RBPMS: variants seen among roughly 807,000 people sequenced by gnomAD.
The protein encoded by RBPMS is RNA binding protein, mRNA processing factor, also known as RNA-binding protein with multiple splicing.
In RBPMS, 7 loss-of-function variants were observed where a neutral mutation model predicts 26.8. The observed-to-expected ratio is 0.26, with a 90% CI of 0.15 to 0.49. The LOEUF is 0.49. Ranked by LOEUF, RBPMS falls within the 20% of genes least tolerant of loss-of-function variation. RBPMS has a pLI of 0.98. For missense variants in RBPMS, 186 were observed against 250.0 expected (o/e 0.74, Z 1.73); for synonymous variants, 96 against 93.3 (o/e 1.03, Z -0.17).
intron 5 of RBPMS, among the ~76,000 whole-genome samples, chr8:30,529,855 G>A (rs530580852): frequency 6.6e-6 from 1 of 151,488 alleles, no homozygotes; most frequent in African/African-American, 2.4e-5. Context: ...CCAGGTTCAA[G>A]CGATTCTGCT....
chr8:30,542,909 GC>G (rs1304730268), intron 5 of RBPMS, among the ~76,000 whole-genome samples: 1 of 152,166 alleles, frequency 6.6e-6, no homozygotes, highest in Non-Finnish European at 1.5e-5. Flanking sequence ...CACAGTAGAT[GC>G]TGTGGACCTG....
At chr8:30,459,619 A>G (rs1445385434) in intron 1 of RBPMS, among the ~76,000 whole-genome samples, 1 of 152,232 alleles carries the variant, frequency 6.6e-6, no homozygotes, top group Admixed American at 6.5e-5. Context: ...TTGGAGATCA[A>G]CCCTTGTACA....
chr8:30,508,622 AT>A (rs67380106), intron 5 of RBPMS, among the ~76,000 whole-genome samples: 30,352 of 146,922 alleles, frequency 0.21, 3,238 homozygotes, highest in South Asian at 0.39. Context: ...TACATAATGG[AT>A]TTTTTTTTTT....
At chr8:30,464,725 G>A (rs1816312382) in intron 1 of RBPMS, among the ~76,000 whole-genome samples, 1 of 152,106 alleles carries the variant, frequency 6.6e-6, no homozygotes. Flanking sequence ...AATCTGTTTT[G>A]TAAAATGAGT....
chr8:30,515,211 A>G (rs1382008832), intron 5 of RBPMS, among the ~76,000 whole-genome samples: 1 of 152,130 alleles, frequency 6.6e-6, no homozygotes, highest in Non-Finnish European at 1.5e-5. Flanking sequence ...GTGTCAAGCC[A>G]TCCTCCTGCC....
At chr8:30,508,607 A>G (rs928969329) in intron 5 of RBPMS, among the ~76,000 whole-genome samples, 1 of 149,140 alleles carries the variant, frequency 6.7e-6, no homozygotes, top group South Asian at 2.3e-4. Context: ...TCTCACATCT[A>G]TAAATACATA....
chr8:30,504,496 A>T (rs1265627277), intron 5 of RBPMS, 60 bp downstream of exon 5: 2 of 1,538,704 alleles, frequency 1.3e-6, no homozygotes, highest in Non-Finnish European at 1.8e-6. Context: ...CATGTGCTGC[A>T]TGTGAGGTTA....
At chr8:30,495,733 G>A (rs1368755931) in intron 4 of RBPMS, among the ~76,000 whole-genome samples, 1 of 152,150 alleles carries the variant, frequency 6.6e-6, no homozygotes, top group Non-Finnish European at 1.5e-5. Context: ...CCTTATTTAG[G>A]AAAAGTATGA....
chr8:30,561,158 T>A (rs1192391349), intron 7 of RBPMS, among the ~76,000 whole-genome samples: 1 of 152,208 alleles, frequency 6.6e-6, no homozygotes, highest in Non-Finnish European at 1.5e-5. Context: ...AGTTTGCTTT[T>A]TAGGAGAGAT....
intron 5 of RBPMS, among the ~76,000 whole-genome samples, chr8:30,533,005 G>C (rs966275583): frequency 3.3e-5 from 5 of 152,210 alleles, no homozygotes; most frequent in African/African-American, 1.2e-4. Flanking sequence ...CAGGTGCTCA[G>C]TGTTTGTTGA....
chr8:30,550,610 T>G (rs1232821623), intron 6 of RBPMS, among the ~76,000 whole-genome samples: 1 of 152,088 alleles, frequency 6.6e-6, no homozygotes, highest in Non-Finnish European at 1.5e-5. Flanking sequence ...AATGGAAGAC[T>G]GGAAAGCATG....
chr8:30,389,782 T>C (rs1415096000), intron 1 of RBPMS, among the ~76,000 whole-genome samples: 1 of 152,072 alleles, frequency 6.6e-6, no homozygotes, highest in African/African-American at 2.4e-5. Context: ...GAAAAATACA[T>C]GGATTATAAA....
Position 30,450,787 on chromosome 8 carries a change from C to CAAAAAAAAA in RBPMS, c.67-23977_67-23969dup, listed in dbSNP as rs59577795. On this transcript the variant is annotated intron_variant, in intron 1 of 8. Transcript: ENST00000397323. ...CTTTTGGTTTCCCACTGCCTGAAAG[C>CAAAAAAAAA]AAAAAAAAAAAAAAAAAAAAAAAGT... Among the ~76,000 whole-genome samples, 204 of 87,360 alleles carry CAAAAAAAAA rather than the reference C, an allele frequency of 2.3e-3. 13 individuals carry two copies. Among genetic ancestry groups the CAAAAAAAAA allele is most frequent in the Non-Finnish European group, 3.5e-3 (159 of 45,846 alleles). 57.3% of individuals were successfully genotyped at this position (87,360 alleles called of 152,430 possible). A position where few individuals can be genotyped will look rare whatever the true frequency, so the allele number is the denominator to read the frequency against.
At chr8:30,538,209 G>A (rs533551680) in intron 5 of RBPMS, among the ~76,000 whole-genome samples, 1 of 152,128 alleles carries the variant, frequency 6.6e-6, no homozygotes, top group East Asian at 1.9e-4. Flanking sequence ...AACCGCCATG[G>A]TAATTAGTGC....
At chr8:30,449,304 A>C (rs550669764) in intron 1 of RBPMS, among the ~76,000 whole-genome samples, 8 of 151,834 alleles carry the variant, frequency 5.3e-5, no homozygotes, top group African/African-American at 1.9e-4. Flanking sequence ...TCCTGAAGCA[A>C]CTTGAATAAT....
intron 1 of RBPMS, among the ~76,000 whole-genome samples, chr8:30,446,230 G>A (rs1318532876): frequency 3.3e-5 from 5 of 152,084 alleles, no homozygotes; most frequent in Admixed American, 2.6e-4. Context: ...CTTTATTGTG[G>A]TTAATCTGCG....
intron 1 of RBPMS, among the ~76,000 whole-genome samples, chr8:30,390,430 A>G (rs1563277783): frequency 6.6e-6 from 1 of 152,192 alleles, no homozygotes; most frequent in African/African-American, 2.4e-5. Context: ...CTTACACCAT[A>G]CTGCTGGGCC....
chr8:30,555,906 TC>T (rs112976335), intron 6 of RBPMS: 38 of 985,000 alleles, frequency 3.9e-5, no homozygotes, highest in Admixed American at 6.2e-5. Flanking sequence ...AGCAGCTTGT[TC>T]CCCCCCACCG....
At chr8:30,561,180 AG>A (rs1827451459) in intron 7 of RBPMS, among the ~76,000 whole-genome samples, 1 of 152,110 alleles carries the variant, frequency 6.6e-6, no homozygotes, top group Non-Finnish European at 1.5e-5. Context: ...TTTTTGCTCC[AG>A]GGAATACCAT....
Sources: allele counts gnomAD v4.1 joint callset (sites outside exome capture counted in the v4.1 genomes callset), GRCh38; gene constraint gnomAD v4.1.1; transcripts MANE v1.5; gene names NCBI Gene and HGNC (gene_info 2026-07-23, HGNC 2026-07-21).